Variants in AATK observed in about 807,000 individuals in gnomAD.
AATK encodes the protein serine/threonine-protein kinase LMTK1.
AATK carries 91 observed loss-of-function variants against 114.3 expected under a neutral mutation model. The observed-to-expected ratio is 0.80, with a 90% confidence interval of 0.67 to 0.95. The LOEUF (loss-of-function observed/expected upper bound fraction) is 0.95. AATK is among the 40% of genes least tolerant of loss of function. The pLI is 0.00. For missense variants in AATK, 2,176 were observed against 1,965.2 expected (o/e 1.11, Z -2.03); for synonymous variants, 1,075 against 916.5 (o/e 1.17, Z -3.12).
chr17:81,122,810 G>T lies in AATK; in HGVS notation c.1126C>A (p.Gln376Lys). Residue 376 changes from glutamine to lysine, a missense_variant, in exon 11 of 14, where the codon CAG becomes AAG. By Grantham distance (53) the Gln-to-Lys change is moderately conservative. Coordinates refer to ENST00000326724, the MANE Select transcript of AATK (RefSeq NM_001080395.3). ...TGCTCGGGCTGCAGCCAGCAGAACT[G>T]CATCACCTCGTACCTGCGAGGAGGT... ...TLSDRWYEVM[Q>K]FCWLQPEQRP... is the part of the protein sequence containing the mutation. 6.4e-7 allele frequency: 1 copy of T among 1,562,656 alleles called. No individual in the cohort carries two copies. Among genetic ancestry groups the T allele is most frequent in the Non-Finnish European group, 8.7e-7 (1 of 1,153,588 alleles).
At chr17:81,140,829 A>G (rs113118596) in intron 1 of AATK, among the ~76,000 whole-genome samples, 14 of 44,062 alleles carry the variant, frequency 3.2e-4, no homozygotes, top group African/African-American at 6.0e-4. Flanking sequence ...TGGGGCCGGG[A>G]GACCGTGGGG....
At position 81,127,936 on chromosome 17, in the gene AATK, G is replaced by A. The variant is rs376910577; in HGVS notation, c.415-26C>T. 6.2e-5 allele frequency: 96 copies of A among 1,547,396 alleles called. No homozygotes were observed. In the African/African-American group the frequency reaches 9.2e-4, roughly 15 times the overall value. ...CTGTGGGACAGACAGCATCACCCACGGCTGCTCCGCCTCCACCGGCCCCGG... is the reference window on the plus strand; with the variant it reads ...CTGTGGGACAGACAGCATCACCCACAGCTGCTCCGCCTCCACCGGCCCCGG... On this transcript the variant is annotated intron_variant, in intron 4 of 13. Coordinates refer to ENST00000326724, the MANE Select transcript of AATK (RefSeq NM_001080395.3).
At position 81,125,031 on chromosome 17, in the gene AATK, G is replaced by A. The variant is rs1451228485; in HGVS notation, c.756-17C>T. On this transcript the variant is annotated splice_polypyrimidine_tract_variant and intron_variant, in intron 7 of 13. Transcript: ENST00000326724. ...GCCAGGTCGCTGCAGGCAGGGGCAG[G>A]GGCAGGGGCAGGGTGAGCAGGGTGA... The A allele has an allele frequency of 9.5e-6, 13 of 1,365,174 alleles. No individual in the cohort carries two copies. The highest frequency in any genetic ancestry group is 1.9e-5 in the African/African-American group (1 of 53,352). 84.6% of individuals were successfully genotyped at this position (1,365,174 alleles called of 1,614,324 possible). A position where few individuals can be genotyped will look rare whatever the true frequency, so the allele number is the denominator to read the frequency against.
chr17:81,145,012 C>T (rs976368903), intron 1 of AATK, among the ~76,000 whole-genome samples: 1 of 152,092 alleles, frequency 6.6e-6, no homozygotes, highest in Non-Finnish European at 1.5e-5. Context: ...GTGAGTGGAT[C>T]ACTTGAGGTC....
At chr17:81,165,647 C>T in intron 1 of AATK, 3 of 1,484,724 alleles carry the variant, frequency 2.0e-6, no homozygotes, top group Non-Finnish European at 2.7e-6. Context: ...TCCTGGACAC[C>T]AGGGGCCCAC....
At chr17:81,151,365 T>G (rs4969260) in intron 1 of AATK, among the ~76,000 whole-genome samples, 62,034 of 145,678 alleles carry the variant, frequency 0.43, 13,512 homozygotes, top group East Asian at 0.61. Context: ...ACAGACCCTG[T>G]GCCTGGGATC....
chr17:81,158,859 G>T (rs998336844), intron 1 of AATK, among the ~76,000 whole-genome samples: 1 of 152,088 alleles, frequency 6.6e-6, no homozygotes, highest in Non-Finnish European at 1.5e-5. Context: ...TGGGGATGGG[G>T]GCAAAATGGC....
chr17:81,120,151 C>T lies in AATK; in HGVS notation c.3735+50G>A, dbSNP rs1316444807. On this transcript the variant is annotated intron_variant, in intron 11 of 13. Transcript: ENST00000326724. ...CCGCGGCCGCTCCCACCCCTTCCTG[C>T]GGGAGCGCGACCCCCAGCCCCGGGC... 4 of 1,515,668 alleles carry T rather than the reference C, an allele frequency of 2.6e-6. No homozygotes were observed. The South Asian group carries it at 5.1e-5, about 19-fold the overall frequency. 93.9% of individuals were successfully genotyped at this position (1,515,668 alleles called of 1,614,324 possible). A position where few individuals can be genotyped will look rare whatever the true frequency, so the allele number is the denominator to read the frequency against.
intron 1 of AATK, among the ~76,000 whole-genome samples, chr17:81,136,773 G>A (rs1043298077): frequency 1.3e-5 from 2 of 152,164 alleles, no homozygotes; most frequent in Non-Finnish European, 2.9e-5. Flanking sequence ...GTAGGGGTGG[G>A]GGACTGTCCA....
chr17:81,131,918 C>A, intron 2 of AATK: 1 of 1,342,626 alleles, frequency 7.4e-7, no homozygotes, highest in Admixed American at 2.0e-5. Flanking sequence ...CCGCCATCTG[C>A]CCCAGCAGCC....
At chr17:81,139,231 C>T (rs964022391) in intron 1 of AATK, among the ~76,000 whole-genome samples, 1 of 152,224 alleles carries the variant, frequency 6.6e-6, no homozygotes, top group South Asian at 2.1e-4. Flanking sequence ...GCTCCACTGC[C>T]CTGCTCCAGA....
In AATK at chr17:81,120,237, G is replaced by T; in HGVS notation, c.3699C>A (p.Ser1233=). ...GGTAGACGGTGACGTCGTCGAAGAA[G>T]GACACGGCCTTCTTCTTGCGTTCCA... ...EDLERKKKAV[S]FFDDVTVYLF... is the part of the protein sequence containing the mutation. The change falls in exon 11 of 14, where the codon TCC becomes TCA. Residue 1233 remains serine (S), a synonymous_variant. Transcript: ENST00000326724. 6.3e-7 allele frequency: 1 copy of T among 1,592,814 alleles called. No individual in the cohort carries two copies. The highest frequency in any genetic ancestry group is 8.6e-7 in the Non-Finnish European group (1 of 1,165,334).
chr17:81,156,257 CATGTTACAATGT>C (rs965643581), intron 1 of AATK, among the ~76,000 whole-genome samples: 23 of 151,030 alleles, frequency 1.5e-4, no homozygotes, highest in African/African-American at 5.1e-4. Flanking sequence ...TGTATGTTAC[CATGTTACAATGT>C]ATGTTACTAT....
rs564207013 is a variant in AATK, at chr17:81,123,379, AGCCT to A, written c.963-40_963-37del. Reference sequence around the variant, plus strand: ...ACAGCCGTGAGCCAGGGCTGGGCACAGCCTGCCACAGCAAGGACCGCGCAGGATC... The same window carrying A: ...ACAGCCGTGAGCCAGGGCTGGGCACAGCCACAGCAAGGACCGCGCAGGATC... On this transcript the variant is annotated intron_variant, in intron 9 of 13. Transcript: ENST00000326724. 8.7e-5 allele frequency: 116 copies of A among 1,331,984 alleles called. 2 individuals carry two copies. The South Asian group carries it at 1.7e-3, about 20-fold the overall frequency. The allele number at this position is 1,331,984 out of a possible 1,614,324, so 82.5% of individuals were successfully genotyped here.
chr17:81,142,554 G>A (rs1221906326), intron 1 of AATK, among the ~76,000 whole-genome samples: 1 of 152,190 alleles, frequency 6.6e-6, no homozygotes, highest in Non-Finnish European at 1.5e-5. Flanking sequence ...ATGTCTATTT[G>A]GCCATTGTCC....
intron 13 of AATK, 112 bp downstream of exon 13, chr17:81,119,268 G>C: frequency 8.5e-7 from 1 of 1,170,282 alleles, no homozygotes; most frequent in Non-Finnish European, 1.1e-6. Flanking sequence ...GAGCGGAGCG[G>C]AGCGGAGCCG....
intron 1 of AATK, among the ~76,000 whole-genome samples, chr17:81,152,048 G>A (rs1218592824): frequency 6.6e-6 from 1 of 152,196 alleles, no homozygotes; most frequent in East Asian, 1.9e-4. Flanking sequence ...GCTGAGGTGG[G>A]CGGATCACTT....
At chr17:81,140,973 C>T (rs1206432548) in intron 1 of AATK, among the ~76,000 whole-genome samples, 1 of 138,876 alleles carries the variant, frequency 7.2e-6, no homozygotes, top group African/African-American at 2.8e-5. Context: ...GCCGTGGGGC[C>T]GTGGGGACTG....
At chr17:81,125,171 G>T in intron 7 of AATK, 157 bp from the exon 8 acceptor site, 1 of 713,598 alleles carries the variant, frequency 1.4e-6, no homozygotes, top group Non-Finnish European at 2.4e-6. Context: ...GCTGGAAGGG[G>T]CGTTGGAGAC....
Sources: allele counts gnomAD v4.1 joint callset (sites outside exome capture counted in the v4.1 genomes callset), GRCh38; gene constraint gnomAD v4.1.1; transcripts MANE v1.5; gene names NCBI Gene and HGNC (gene_info 2026-07-23, HGNC 2026-07-21).